PLCB1: variants seen among roughly 807,000 people sequenced by gnomAD.
PLCB1 encodes 1-phosphatidylinositol 4,5-bisphosphate phosphodiesterase beta-1.
Under a neutral mutation model 161.8 loss-of-function variants are expected in PLCB1, and 46 were observed. That is an observed-to-expected ratio of 0.28 (90% CI 0.22 to 0.36). The LOEUF is 0.36. PLCB1 is among the 10% of genes least tolerant of loss of function. The pLI is 1.00. For missense variants in PLCB1, 1,016 were observed against 1,472.5 expected (o/e 0.69, Z 5.07); for synonymous variants, 517 against 503.7 (o/e 1.03, Z -0.35).
intron 2 of PLCB1, among the ~76,000 whole-genome samples, chr20:8,273,028 C>T (rs1982360356): frequency 6.6e-6 from 1 of 152,206 alleles, no homozygotes; most frequent in South Asian, 2.1e-4. Context: ...AAAAGTAAAG[C>T]AATGACAATT....
At chr20:8,180,253 A>G (rs1347468139) in intron 2 of PLCB1, among the ~76,000 whole-genome samples, 2 of 152,184 alleles carry the variant, frequency 1.3e-5, no homozygotes, top group African/African-American at 4.8e-5. Flanking sequence ...GATAAATCAC[A>G]TTTACTGATT....
intron 31 of PLCB1, among the ~76,000 whole-genome samples, chr20:8,849,797 G>A (rs1411928600): frequency 4.6e-5 from 7 of 152,080 alleles, no homozygotes; most frequent in African/African-American, 7.2e-5. Context: ...GGCGGATCAC[G>A]AGGTCAAGAG....
chr20:8,411,655 C>T (rs1979048609), intron 3 of PLCB1, among the ~76,000 whole-genome samples: 1 of 152,010 alleles, frequency 6.6e-6, no homozygotes. Context: ...ATACAGAGAC[C>T]CCAATAGCAG....
intron 2 of PLCB1, among the ~76,000 whole-genome samples, chr20:8,232,096 A>T (rs1034497157): frequency 9.9e-5 from 15 of 152,048 alleles, no homozygotes; most frequent in African/African-American, 3.6e-4. Flanking sequence ...AGTCCCTGCT[A>T]TTCAGGAGGC....
At chr20:8,240,856 A>G (rs1422146859) in intron 2 of PLCB1, among the ~76,000 whole-genome samples, 2 of 151,980 alleles carry the variant, frequency 1.3e-5, no homozygotes, top group Non-Finnish European at 1.5e-5. Context: ...TGTATATTAA[A>G]CTAGCCCCAT....
chr20:8,803,094 T>C (rs1206188821), intron 31 of PLCB1, among the ~76,000 whole-genome samples: 3 of 152,222 alleles, frequency 2.0e-5, no homozygotes, highest in African/African-American at 4.8e-5. Context: ...AATAACTCTT[T>C]ACTGAGAAAG....
At chr20:8,212,755 A>G (rs1376057688) in intron 2 of PLCB1, among the ~76,000 whole-genome samples, 1 of 152,112 alleles carries the variant, frequency 6.6e-6, no homozygotes, top group Non-Finnish European at 1.5e-5. Context: ...CTCGAAGGAC[A>G]TTTAGAGCAC....
intron 3 of PLCB1, among the ~76,000 whole-genome samples, chr20:8,500,552 A>G (rs1983363981): frequency 6.6e-6 from 1 of 152,200 alleles, no homozygotes; most frequent in South Asian, 2.1e-4. Context: ...AAACAACTAC[A>G]TAATTTTTTC....
At chr20:8,213,753 C>T (rs1978961376) in intron 2 of PLCB1, among the ~76,000 whole-genome samples, 2 of 151,196 alleles carry the variant, frequency 1.3e-5, no homozygotes, top group Admixed American at 6.6e-5. Flanking sequence ...CACAAATTGT[C>T]ATGAAATATA....
At chr20:8,675,489 C>T (rs1990052522) in intron 9 of PLCB1, among the ~76,000 whole-genome samples, 1 of 152,166 alleles carries the variant, frequency 6.6e-6, no homozygotes, top group South Asian at 2.1e-4. Flanking sequence ...TGATAAGTCC[C>T]AGCCAGGCAA....
At chr20:8,860,841 G>C (rs558882379) in intron 31 of PLCB1, among the ~76,000 whole-genome samples, 1 of 152,300 alleles carries the variant, frequency 6.6e-6, no homozygotes, top group East Asian at 1.9e-4. Context: ...GTTTTGATTT[G>C]AAACTAAGTA....
intron 2 of PLCB1, among the ~76,000 whole-genome samples, chr20:8,240,891 A>G (rs565305635): frequency 6.6e-6 from 1 of 152,116 alleles, no homozygotes; most frequent in African/African-American, 2.4e-5. Flanking sequence ...TACTTTTCCT[A>G]TTCTTTACCA....
At chr20:8,616,532 G>A (rs185271549) in intron 3 of PLCB1, among the ~76,000 whole-genome samples, 33 of 152,210 alleles carry the variant, frequency 2.2e-4, no homozygotes, top group African/African-American at 7.2e-4. Context: ...TTTAATGCCC[G>A]TTTCCTTGCC....
At chr20:8,486,691 T>C (rs1982745211) in intron 3 of PLCB1, among the ~76,000 whole-genome samples, 1 of 151,254 alleles carries the variant, frequency 6.6e-6, no homozygotes, top group African/African-American at 2.4e-5. Context: ...GAGACGGGGT[T>C]TCACCTTGTT....
intron 2 of PLCB1, among the ~76,000 whole-genome samples, chr20:8,300,177 G>A (rs1295246160): frequency 1.3e-5 from 2 of 152,276 alleles, no homozygotes; most frequent in East Asian, 3.9e-4. Flanking sequence ...AGGCTAGCTA[G>A]GGAATGTTCT....
At chr20:8,350,237 C>T (rs1333882675) in intron 2 of PLCB1, among the ~76,000 whole-genome samples, 2 of 152,158 alleles carry the variant, frequency 1.3e-5, no homozygotes, top group Admixed American at 6.5e-5. Context: ...TGCTCTCCCT[C>T]GCCTGACCCC....
At chr20:8,435,587 C>T (rs1287040422) in intron 3 of PLCB1, among the ~76,000 whole-genome samples, 2 of 152,158 alleles carry the variant, frequency 1.3e-5, no homozygotes, top group Non-Finnish European at 2.9e-5. Flanking sequence ...TGCAAGCAGC[C>T]TCTGGTATCC....
chr20:8,742,454 A>G (rs1208641255), intron 23 of PLCB1, among the ~76,000 whole-genome samples: 1 of 152,148 alleles, frequency 6.6e-6, no homozygotes, highest in African/African-American at 2.4e-5. Context: ...TGTTTTTCTT[A>G]TTTCGAAAGC....
intron 31 of PLCB1, among the ~76,000 whole-genome samples, chr20:8,830,993 T>C (rs11905228): frequency 0.28 from 43,332 of 152,114 alleles, 6,378 homozygotes; most frequent in Middle Eastern, 0.41. Context: ...CTCTGCCACA[T>C]GATGGACAGC....
Sources: gnomAD v4.1 joint callset for allele counts (sites outside exome capture counted in the v4.1 genomes callset) on GRCh38, gnomAD v4.1.1 for gene constraint, MANE v1.5 for transcripts, NCBI Gene and HGNC (gene_info 2026-07-23, HGNC 2026-07-21) for gene names.